The following KCNK12 variants were observed in gnomAD, a reference collection of about 807,000 sequenced individuals.
KCNK12 encodes potassium channel subfamily K member 12.
In KCNK12, 6 loss-of-function variants were observed where a neutral mutation model predicts 25.3. The observed-to-expected ratio is 0.24, with a 90% CI of 0.13 to 0.47. KCNK12 has a LOEUF of 0.47. KCNK12 is among the 20% of genes least tolerant of loss of function. The pLI is 0.99. For missense variants in KCNK12, 444 were observed against 661.7 expected (o/e 0.67, Z 3.61); for synonymous variants, 331 against 311.1 (o/e 1.06, Z -0.67).
intron 1 of KCNK12, among the ~76,000 whole-genome samples, chr2:47,549,704 G>A (rs904211364): frequency 2.0e-5 from 3 of 152,200 alleles, no homozygotes; most frequent in South Asian, 2.1e-4. Flanking sequence ...GGGAGGCCAA[G>A]ATGGGCGGAT....
In KCNK12 at chr2:47,519,614, G is replaced by T. The variant is rs557632314; in HGVS notation, c.*1293C>A. 1.3e-3 allele frequency: 193 copies of T among 152,300 alleles called. No individual in the cohort carries two copies. The highest frequency in any genetic ancestry group is 0.01 in the Middle Eastern group (3 of 294). 9.4% of individuals were successfully genotyped at this position (152,300 alleles called of 1,614,324 possible). The stretch of plus-strand genomic sequence containing the variant: ...GCAGAAGGCAAGTCTGGGAGAATCT[G>T]TCCCTCAGCCCGAGAGCAAAACTGT... On this transcript the variant is annotated 3_prime_UTR_variant, in exon 2 of 2. Transcript: ENST00000327876.
chr2:47,550,017 A>G (rs1669393321), intron 1 of KCNK12, among the ~76,000 whole-genome samples: 1 of 152,194 alleles, frequency 6.6e-6, no homozygotes, highest in Non-Finnish European at 1.5e-5. Context: ...ACTGCTGAAA[A>G]AGGTTGAACT....
chr2:47,543,397 C>T (rs937584841), intron 1 of KCNK12: 16 of 152,058 alleles, frequency 1.1e-4, no homozygotes, highest in African/African-American at 3.6e-4. Flanking sequence ...GTGAGGTAAG[C>T]ATTATCCTCG....
Position 47,529,149 on chromosome 2 carries a change from G to C in KCNK12, c.392-7341C>G, listed in dbSNP as rs774884442. 1 of 152,172 alleles carries C rather than the reference G, an allele frequency of 6.6e-6. No homozygotes were observed. The highest frequency in any genetic ancestry group is 1.5e-5 in the Non-Finnish European group (1 of 68,060). 9.4% of individuals were successfully genotyped at this position (152,172 alleles called of 1,614,324 possible). ...CAACTGTGAGAGAGGGAAATAAAAC[G>C]TACTGTACAGTCCAATCTGGGATAC... On this transcript the variant is annotated intron_variant, in intron 1 of 1. Transcript: ENST00000327876. This position sits in a 1 kb window ranked among gnomAD's most constrained non-coding sequence, Gnocchi z 4.3.
Position 47,509,330 on chromosome 2 carries a change from C to G in KCNK12, c.*11577G>C, listed in dbSNP as rs569337588. 6.6e-6 allele frequency among the ~76,000 whole-genome samples: 1 copy of G among 152,340 alleles called. No homozygotes were observed. The highest frequency in any genetic ancestry group is 2.1e-4 in the South Asian group (1 of 4,830). ...AAAAGTTTTATTGCCAAACAGGAAA[C>G]CTGATTCAGGCCAGGGTCTTGGAAG... On this transcript the variant is annotated 3_prime_UTR_variant, in exon 2 of 2. Coordinates refer to ENST00000327876, the MANE Select transcript of KCNK12 (RefSeq NM_022055.2).
rs1668568517 is a variant in KCNK12, at chr2:47,518,178, C to A, written c.*2729G>T. The A allele has an allele frequency of 6.6e-6, 1 of 152,214 alleles. No homozygotes were observed. Among genetic ancestry groups the A allele is most frequent in the Non-Finnish European group, 1.5e-5 (1 of 68,064 alleles). 9.4% of individuals were successfully genotyped at this position (152,214 alleles called of 1,614,324 possible). On this transcript the variant is annotated 3_prime_UTR_variant, in exon 2 of 2. Coordinates refer to ENST00000327876, the MANE Select transcript of KCNK12 (RefSeq NM_022055.2). This position sits in a 1 kb window ranked among gnomAD's most constrained non-coding sequence, Gnocchi z 4.1. ...GTCCCTGTCGTCTGGGGCGCTGAGC[C>A]CTTTGGCCTGAGATGAAGGATGATG... is the stretch of plus-strand genomic sequence containing the variant.
At chr2:47,530,971 G>C (rs934576544) in intron 1 of KCNK12, among the ~76,000 whole-genome samples, 2 of 152,240 alleles carry the variant, frequency 1.3e-5, no homozygotes, top group African/African-American at 4.8e-5. Flanking sequence ...AAATGTACAA[G>C]AGTTTGGAAG....
At position 47,512,702 on chromosome 2, in the gene KCNK12, A is replaced by G. The variant is rs575858821; in HGVS notation, c.*8205T>C. On this transcript the variant is annotated 3_prime_UTR_variant, in exon 2 of 2. Coordinates refer to ENST00000327876, the MANE Select transcript of KCNK12 (RefSeq NM_022055.2). ...TCTGCTCTGCATTGCTGAGCAAACT[A>G]CATTTCCCAGAACTCCTTGTTGGAT... The G allele has an allele frequency of 2.8e-6, 1 of 352,694 alleles. No individual in the cohort carries two copies. The highest frequency in any genetic ancestry group is 2.1e-5 in the African/African-American group (1 of 47,976). 21.8% of individuals were successfully genotyped at this position (352,694 alleles called of 1,614,324 possible). A position where few individuals can be genotyped will look rare whatever the true frequency, so the allele number is the denominator to read the frequency against.
chr2:47,512,767 T>G lies in KCNK12; in HGVS notation c.*8140A>C, dbSNP rs2104666892. 1 of 219,606 alleles carries G rather than the reference T, an allele frequency of 4.6e-6. No individual in the cohort carries two copies. The highest frequency in any genetic ancestry group is 9.1e-6 in the Non-Finnish European group (1 of 110,092). The allele number at this position is 219,606 out of a possible 1,614,324, so 13.6% of individuals were successfully genotyped here. A position where few individuals can be genotyped will look rare whatever the true frequency, so the allele number is the denominator to read the frequency against. The stretch of plus-strand genomic sequence containing the variant: ...TTTACCACTGGGAGAGCCTGTTGGT[T>G]GGGGAGGGCAGGAAGAGGGAGGAAA... On this transcript the variant is annotated 3_prime_UTR_variant, in exon 2 of 2. Transcript: ENST00000327876.
In KCNK12 at chr2:47,569,920, C is replaced by T. The variant is rs753619760; in HGVS notation, c.391+21G>A. The T allele has an allele frequency of 1.5e-6, 2 of 1,336,334 alleles. No individual in the cohort carries two copies. Among genetic ancestry groups the T allele is most frequent in the South Asian group, 1.9e-5 (1 of 51,432 alleles). 82.8% of individuals were successfully genotyped at this position (1,336,334 alleles called of 1,614,324 possible). A position where few individuals can be genotyped will look rare whatever the true frequency, so the allele number is the denominator to read the frequency against. ...GTGAAAGGCACAGAGAGGAAAGATG[C>T]GCGGGGGACGCGCCGCTCACCTATG... On this transcript the variant is annotated intron_variant, in intron 1 of 1. Transcript: ENST00000327876. The surrounding 1 kb of genome is among the most constrained non-coding windows in gnomAD (Gnocchi z 4.1).
intron 1 of KCNK12, among the ~76,000 whole-genome samples, chr2:47,537,617 C>G (rs549262071): frequency 3.2e-4 from 48 of 152,352 alleles, no homozygotes; most frequent in African/African-American, 1.1e-3. Flanking sequence ...GCGTGAGCCA[C>G]CGCGCCCAGC....
chr2:47,519,636 C>T lies in KCNK12; in HGVS notation c.*1271G>A, dbSNP rs543463620. ...TCTGTCCCTCAGCCCGAGAGCAAAA[C>T]TGTAATCCTAACATTACTTCCATCC... On this transcript the variant is annotated 3_prime_UTR_variant, in exon 2 of 2. Transcript: ENST00000327876. The T allele has an allele frequency of 1.3e-5, 2 of 152,394 alleles. No individual in the cohort carries two copies. Among genetic ancestry groups the T allele is most frequent in the South Asian group, 2.1e-4 (1 of 4,828 alleles). The allele number at this position is 152,394 out of a possible 1,614,324, so 9.4% of individuals were successfully genotyped here.
intron 1 of KCNK12, among the ~76,000 whole-genome samples, chr2:47,523,474 A>G (rs895670411): frequency 2.0e-5 from 3 of 152,224 alleles, no homozygotes; most frequent in African/African-American, 7.2e-5. Flanking sequence ...ACAACTGCGT[A>G]TTGCTTCAGG....
Position 47,516,943 on chromosome 2 carries a change from G to A in KCNK12, c.*3964C>T, listed in dbSNP as rs1333941146. ...GCTGATGAGCCCACCCTGGGGGTCAGGAATGGCCTCAGCAGGCCCTCCCTC... is the reference window on the plus strand; with the variant it reads ...GCTGATGAGCCCACCCTGGGGGTCAAGAATGGCCTCAGCAGGCCCTCCCTC... On this transcript the variant is annotated 3_prime_UTR_variant, in exon 2 of 2. Transcript: ENST00000327876. 1 of 152,212 alleles carries A rather than the reference G, an allele frequency of 6.6e-6. No individual in the cohort carries two copies. Among genetic ancestry groups the A allele is most frequent in the Non-Finnish European group, 1.5e-5 (1 of 68,092 alleles). The allele number at this position is 152,212 out of a possible 1,614,324, so 9.4% of individuals were successfully genotyped here.
chr2:47,546,733 A>T (rs777672712), intron 1 of KCNK12, among the ~76,000 whole-genome samples: 4 of 152,148 alleles, frequency 2.6e-5, no homozygotes, highest in Non-Finnish European at 5.9e-5. Context: ...CCCTCTTAAG[A>T]TCCTATTTAA....
In KCNK12 at chr2:47,521,002, C is replaced by T. The variant is rs1668640726; in HGVS notation, c.1198G>A (p.Val400Met). ...CCGTTCTGGCGCGTGTTGACGCACA[C>T]GCTGCGCGGGTAGCCGTTGGCCGTC... ...SETANGYPRS[V>M]CVNTRQNGFS... Residue 400 changes from valine (V) to methionine (M), a missense_variant, in exon 2 of 2, where the codon GTG becomes ATG. Physicochemically the swap from Val to Met is conservative, Grantham distance 21. Around this residue, in one of 8 missense-constraint regions of KCNK12, gnomAD observed 57 missense variants for 68.9 expected, o/e 0.83. Transcript: ENST00000327876. The T allele has an allele frequency of 1.5e-6, 2 of 1,373,224 alleles. No homozygotes were observed. The highest frequency in any genetic ancestry group is 3.0e-5 in the Admixed American group (1 of 33,304). The allele number at this position is 1,373,224 out of a possible 1,614,324, so 85.1% of individuals were successfully genotyped here.
chr2:47,530,431 C>A (rs537711497), intron 1 of KCNK12, among the ~76,000 whole-genome samples: 1 of 152,090 alleles, frequency 6.6e-6, no homozygotes, highest in Non-Finnish European at 1.5e-5. Flanking sequence ...GGAGGACAAC[C>A]GACCACCGTG....
chr2:47,535,919 CCTTGAAGGTCAGGGTCACA>C (rs1260481451), intron 1 of KCNK12, among the ~76,000 whole-genome samples: 1 of 152,180 alleles, frequency 6.6e-6, no homozygotes, highest in Non-Finnish European at 1.5e-5. Flanking sequence ...ACGTTAATGA[CCTTGAAGGTCAGGGTCACA>C]GAAAATGGCA....
chr2:47,512,516 G>A lies in KCNK12; in HGVS notation c.*8391C>T. The A allele has an allele frequency of 7.0e-7, 1 of 1,429,468 alleles. No individual in the cohort carries two copies. The highest frequency in any genetic ancestry group is 9.4e-7 in the Non-Finnish European group (1 of 1,066,516). 88.5% of individuals were successfully genotyped at this position (1,429,468 alleles called of 1,614,324 possible). ...TTCTGTAAACATTTCCCTCAAAATGGAGCAGGAAGCTCTCAAAAATGGACC... is the reference window on the plus strand; with the variant it reads ...TTCTGTAAACATTTCCCTCAAAATGAAGCAGGAAGCTCTCAAAAATGGACC... On this transcript the variant is annotated 3_prime_UTR_variant, in exon 2 of 2. Coordinates refer to ENST00000327876, the MANE Select transcript of KCNK12 (RefSeq NM_022055.2).
Sources: gnomAD v4.1 joint callset for allele counts (sites outside exome capture counted in the v4.1 genomes callset) on GRCh38, gnomAD v4.1.1 for gene constraint, gnomAD v4.1.1 regional missense constraint, Gnocchi (gnomAD v3.1) non-coding constraint, MANE v1.5 for transcripts, NCBI Gene and HGNC (gene_info 2026-07-23, HGNC 2026-07-21) for gene names.